The following PITPNC1 variants were observed in gnomAD, a reference collection of about 807,000 sequenced individuals.
PITPNC1 encodes the protein phosphatidylinositol transfer protein cytoplasmic 1.
Under a neutral mutation model 44.7 loss-of-function variants are expected in PITPNC1, and 18 were observed. That is an observed-to-expected ratio of 0.40 (90% CI 0.28 to 0.60). The LOEUF (loss-of-function observed/expected upper bound fraction) is 0.60. Ranked by LOEUF, PITPNC1 falls within the 20% of genes least tolerant of loss-of-function variation. The pLI, the probability that PITPNC1 is intolerant of heterozygous loss-of-function variation, is 0.39. For synonymous variants in PITPNC1, 141 were observed against 149.6 expected (o/e 0.94, Z 0.42); for missense variants, 290 against 418.4 (o/e 0.69, Z 2.68).
At chr17:67,639,802 A>G (rs2042072412) in intron 6 of PITPNC1, among the ~76,000 whole-genome samples, 1 of 152,228 alleles carries the variant, frequency 6.6e-6, no homozygotes, top group South Asian at 2.1e-4. Context: ...ATAACTGTCA[A>G]GGGTGAGAGA....
chr17:67,630,140 G>C (rs538642481), intron 5 of PITPNC1, among the ~76,000 whole-genome samples: 1 of 152,142 alleles, frequency 6.6e-6, no homozygotes, highest in Non-Finnish European at 1.5e-5. Flanking sequence ...GTGTTAATAG[G>C]CACCAAGTTT....
chr17:67,564,047 T>A lies in PITPNC1; in HGVS notation c.294+10430T>A, dbSNP rs557591904. Among the ~76,000 whole-genome samples, 16 of 152,160 alleles carry A rather than the reference T, an allele frequency of 1.1e-4. 1 individual carries two copies. In the East Asian group the frequency reaches 3.1e-3, roughly 29 times the overall value. On this transcript the variant is annotated intron_variant, in intron 4 of 8. Coordinates refer to ENST00000581322, the MANE Select transcript of PITPNC1 (RefSeq NM_012417.4). ...AGATGATAGATATTAATAGATAGAT[T>A]GATTAGATAGGTAGATTGGATGGAT...
At chr17:67,467,799 C>G (rs1464972870) in intron 1 of PITPNC1, among the ~76,000 whole-genome samples, 3 of 152,198 alleles carry the variant, frequency 2.0e-5, no homozygotes, top group African/African-American at 4.8e-5. Context: ...TCAGCCTGAT[C>G]TTGTAGAAAG....
intron 4 of PITPNC1, among the ~76,000 whole-genome samples, chr17:67,555,494 C>G (rs145437052): frequency 2.6e-5 from 4 of 152,030 alleles, no homozygotes; most frequent in African/African-American, 9.7e-5. Context: ...AACACTACCC[C>G]CTAGTTCCAT....
At chr17:67,549,832 A>G (rs559423889) in intron 2 of PITPNC1, among the ~76,000 whole-genome samples, 6 of 152,288 alleles carry the variant, frequency 3.9e-5, no homozygotes, top group South Asian at 4.1e-4. Flanking sequence ...TGTCTAAGCT[A>G]AACAATGCCT....
chr17:67,562,453 A>G (rs926376418), intron 4 of PITPNC1, among the ~76,000 whole-genome samples: 15 of 152,068 alleles, frequency 9.9e-5, no homozygotes, highest in African/African-American at 3.4e-4. Context: ...TGCAGCATAT[A>G]TTTAGGAAGT....
At chr17:67,661,017 C>A (rs2042338713) in intron 6 of PITPNC1, among the ~76,000 whole-genome samples, 1 of 147,994 alleles carries the variant, frequency 6.8e-6, no homozygotes, top group South Asian at 2.1e-4. Flanking sequence ...CGCCACCACG[C>A]CCAGCTAATT....
intron 1 of PITPNC1, among the ~76,000 whole-genome samples, chr17:67,404,279 C>G (rs1024030119): frequency 2.0e-5 from 3 of 152,118 alleles, no homozygotes; most frequent in Non-Finnish European, 4.4e-5. Flanking sequence ...TTCAAGTTAA[C>G]ATTATTTGCA....
intron 5 of PITPNC1, among the ~76,000 whole-genome samples, chr17:67,610,987 C>G (rs760353047): frequency 4.0e-5 from 6 of 151,516 alleles, no homozygotes; most frequent in Non-Finnish European, 8.8e-5. Flanking sequence ...TCTGCTGCTA[C>G]TTGTTGGCTA....
At position 67,442,938 on chromosome 17, in the gene PITPNC1, C is replaced by T. The variant is rs150091919; in HGVS notation, c.48+64736C>T. Among the ~76,000 whole-genome samples, 5 of 152,092 alleles carry T rather than the reference C, an allele frequency of 3.3e-5. No individual in the cohort carries two copies. In the East Asian group the frequency reaches 9.6e-4, roughly 29 times the overall value. The stretch of plus-strand genomic sequence containing the variant: ...CACCCTCTTAAATTTTACACCTAGG[C>T]AATACCTCCAGCTCTCACACTAATC... On this transcript the variant is annotated intron_variant, in intron 1 of 8. Coordinates refer to ENST00000581322, the MANE Select transcript of PITPNC1 (RefSeq NM_012417.4).
intron 5 of PITPNC1, among the ~76,000 whole-genome samples, chr17:67,610,661 G>A (rs1001127563): frequency 6.6e-6 from 1 of 152,000 alleles, no homozygotes; most frequent in African/African-American, 2.4e-5. Context: ...GGTGGCTCAC[G>A]CCTGTAATCA....
At chr17:67,664,563 G>A (rs114206037) in intron 6 of PITPNC1, among the ~76,000 whole-genome samples, 25 of 152,126 alleles carry the variant, frequency 1.6e-4, no homozygotes, top group Admixed American at 1.6e-3. Context: ...GATTAGTAAT[G>A]CTAAGCATTT....
intron 5 of PITPNC1, among the ~76,000 whole-genome samples, chr17:67,618,366 A>C (rs1270536049): frequency 7.1e-6 from 1 of 139,884 alleles, no homozygotes; most frequent in African/African-American, 3.0e-5. Flanking sequence ...CTCCGTCTCA[A>C]AAAAAAAAAA....
chr17:67,450,615 G>A (rs979727241), intron 1 of PITPNC1, among the ~76,000 whole-genome samples: 3 of 152,046 alleles, frequency 2.0e-5, no homozygotes, highest in African/African-American at 7.2e-5. Context: ...TAGTAGAGAC[G>A]AGATTTTCGC....
intron 5 of PITPNC1, among the ~76,000 whole-genome samples, chr17:67,604,383 G>C (rs931939040): frequency 6.6e-6 from 1 of 152,210 alleles, no homozygotes; most frequent in Non-Finnish European, 1.5e-5. Flanking sequence ...ATATGAAGGA[G>C]GGGTTGTTTC....
rs200119740 is a variant in PITPNC1 at position 67,647,236 on chromosome 17, T to TA, written c.462+15006dup. On this transcript the variant is annotated intron_variant, in intron 6 of 8. Transcript: ENST00000581322. The stretch of plus-strand genomic sequence containing the variant: ...ATTGGCCAAAAGCAGCTTGGGTCTG[T>TA]AAAAAAAACCAAAAACTAAAAACTA... Among the ~76,000 whole-genome samples, 1,068 of 151,836 alleles carry TA rather than the reference T, an allele frequency of 7.0e-3. 6 individuals are homozygous for TA. Among genetic ancestry groups the TA allele is most frequent in the African/African-American group, 0.02 (810 of 41,434 alleles).
At chr17:67,469,507 C>T (rs2039481792) in intron 1 of PITPNC1, among the ~76,000 whole-genome samples, 1 of 152,200 alleles carries the variant, frequency 6.6e-6, no homozygotes, top group African/African-American at 2.4e-5. Context: ...GAAGCCTGGT[C>T]TCGGTTACCT....
At chr17:67,551,922 G>A (rs549484577) in intron 2 of PITPNC1, among the ~76,000 whole-genome samples, 1 of 152,252 alleles carries the variant, frequency 6.6e-6, no homozygotes, top group East Asian at 1.9e-4. Flanking sequence ...CCACTCCTAG[G>A]AGGCAAAGGT....
At chr17:67,435,326 T>C (rs1046266675) in intron 1 of PITPNC1, among the ~76,000 whole-genome samples, 8 of 152,178 alleles carry the variant, frequency 5.3e-5, no homozygotes, top group African/African-American at 1.9e-4. Flanking sequence ...GACGTTTCTG[T>C]AACCTTCACT....
Sources: allele counts gnomAD v4.1 joint callset (sites outside exome capture counted in the v4.1 genomes callset), GRCh38; gene constraint gnomAD v4.1.1; transcripts MANE v1.5; gene names NCBI Gene and HGNC (gene_info 2026-07-23, HGNC 2026-07-21).